The following NCKAP5 variants were observed in gnomAD, a reference collection of about 807,000 sequenced individuals.
The protein encoded by NCKAP5 is nck-associated protein 5.
In NCKAP5, 92 loss-of-function variants were observed where a neutral mutation model predicts 167.0. The ratio of observed to expected loss-of-function variants is 0.55; its 90% CI spans 0.47 to 0.66. NCKAP5 has a LOEUF of 0.66. NCKAP5 is among the 30% of genes least tolerant of loss of function. The pLI is 0.00. For missense variants in NCKAP5, 2,378 were observed against 2,315.0 expected (o/e 1.03, Z -0.56); for synonymous variants, 891 against 877.4 (o/e 1.02, Z -0.27).
At chr2:133,522,132 G>A (rs1684528528) in intron 2 of NCKAP5, among the ~76,000 whole-genome samples, 1 of 152,170 alleles carries the variant, frequency 6.6e-6, no homozygotes, top group Non-Finnish European at 1.5e-5. Context: ...GAAGGCAATG[G>A]GAAAGAAGAA....
intron 4 of NCKAP5, among the ~76,000 whole-genome samples, chr2:133,290,728 C>CTTTTTTTTTTTTTTTTTTTTTT (rs58758295): frequency 3.5e-4 from 31 of 89,350 alleles, no homozygotes; most frequent in Non-Finnish European, 4.2e-4. Flanking sequence ...AGAATTTCTC[C>CTTTTTTTTTTTTTTTTTTTTTT]TTTTTTTTTT....
In NCKAP5 at chr2:133,183,485, A is replaced by G. The variant is rs1051155867; in HGVS notation, c.207+30231T>C. On this transcript the variant is annotated intron_variant, in intron 5 of 19. Transcript: ENST00000409261. ...CAACAGTCTAAAAAAATCAACATCA[A>G]TTGATGTGGGAAAAAGCATTTGACA... Among the ~76,000 whole-genome samples, 7 of 152,270 alleles carry G rather than the reference A, an allele frequency of 4.6e-5. No individual in the cohort carries two copies. The Middle Eastern group carries it at 0.01, about 222-fold the overall frequency.
chr2:133,395,200 C>T (rs1687659721), intron 3 of NCKAP5, among the ~76,000 whole-genome samples: 1 of 152,120 alleles, frequency 6.6e-6, no homozygotes, highest in African/African-American at 2.4e-5. Context: ...AAGCAGCCTC[C>T]CAGCTTCTGT....
chr2:133,147,591 A>G (rs2083245337), intron 5 of NCKAP5, among the ~76,000 whole-genome samples: 2 of 152,128 alleles, frequency 1.3e-5, no homozygotes, highest in South Asian at 2.1e-4. Context: ...TCATGGAGAC[A>G]CTGCTCTAGA....
At chr2:133,072,742 A>T (rs2080459816) in intron 6 of NCKAP5, among the ~76,000 whole-genome samples, 1 of 152,212 alleles carries the variant, frequency 6.6e-6, no homozygotes, top group African/African-American at 2.4e-5. Context: ...GAAACATTCC[A>T]ATCAAAAATT....
chr2:133,406,230 C>T (rs569771974), intron 3 of NCKAP5, among the ~76,000 whole-genome samples: 1 of 152,296 alleles, frequency 6.6e-6, no homozygotes, highest in East Asian at 1.9e-4. Context: ...CTCTTAACTA[C>T]CCGAATAAAG....
At chr2:132,981,287 T>C (rs1458314397) in intron 7 of NCKAP5, among the ~76,000 whole-genome samples, 1 of 152,148 alleles carries the variant, frequency 6.6e-6, no homozygotes, top group African/African-American at 2.4e-5. Context: ...CCTTTGAACC[T>C]GGTTTGACAC....
At chr2:133,549,495 A>G (rs1199114576) in intron 2 of NCKAP5, among the ~76,000 whole-genome samples, 4 of 146,404 alleles carry the variant, frequency 2.7e-5, no homozygotes, top group Non-Finnish European at 6.0e-5. Context: ...CTGAATGACT[A>G]CTGGGTACAT....
intron 8 of NCKAP5, among the ~76,000 whole-genome samples, chr2:132,887,462 T>TAC (rs1692341042): frequency 6.6e-6 from 1 of 152,188 alleles, no homozygotes; most frequent in Non-Finnish European, 1.5e-5. Flanking sequence ...ACTGCAATTA[T>TAC]GTTTGCACCA....
intron 10 of NCKAP5, among the ~76,000 whole-genome samples, chr2:132,861,367 C>A (rs962213623): frequency 6.6e-6 from 1 of 152,010 alleles, no homozygotes; most frequent in African/African-American, 2.4e-5. Flanking sequence ...AAGGAACTTG[C>A]GGTACTTAAA....
chr2:133,360,854 G>C (rs1685053121), intron 3 of NCKAP5, among the ~76,000 whole-genome samples: 1 of 151,250 alleles, frequency 6.6e-6, no homozygotes, highest in Non-Finnish European at 1.5e-5. Flanking sequence ...CTGGTGAGTA[G>C]AAGATCATGG....
intron 19 of NCKAP5, among the ~76,000 whole-genome samples, chr2:132,697,850 G>A (rs72844753): frequency 0.055 from 8,401 of 152,234 alleles, 347 homozygotes; most frequent in Non-Finnish European, 0.078. Flanking sequence ...TAGGGAAAAC[G>A]TTTTTCTTCC....
chr2:133,178,841 A>G (rs929538940), intron 5 of NCKAP5, among the ~76,000 whole-genome samples: 1 of 150,510 alleles, frequency 6.6e-6, no homozygotes, highest in Non-Finnish European at 1.5e-5. Flanking sequence ...AAAAAAAAAA[A>G]AAAAAAAAAA....
At chr2:132,771,078 C>T (rs1430500540) in intron 16 of NCKAP5, among the ~76,000 whole-genome samples, 2 of 136,200 alleles carry the variant, frequency 1.5e-5, no homozygotes, top group East Asian at 2.4e-4. Flanking sequence ...TTAGACTGTA[C>T]CCCTTCCATT....
chr2:133,076,040 T>C (rs1239087931), intron 6 of NCKAP5, among the ~76,000 whole-genome samples: 5 of 152,094 alleles, frequency 3.3e-5, no homozygotes, highest in Non-Finnish European at 5.9e-5. Context: ...CAAAAGAAAG[T>C]TGGGCAATGT....
intron 3 of NCKAP5, among the ~76,000 whole-genome samples, chr2:133,338,294 T>G (rs1683346570): frequency 6.6e-6 from 1 of 152,200 alleles, no homozygotes; most frequent in African/African-American, 2.4e-5. Flanking sequence ...TGTTCAAAGA[T>G]GTAGAGTTCC....
intron 19 of NCKAP5, among the ~76,000 whole-genome samples, chr2:132,699,430 T>A (rs184213366): frequency 4.9e-4 from 74 of 152,252 alleles, no homozygotes; most frequent in Non-Finnish European, 1.3e-4. Context: ...GCTGCACCTG[T>A]TAACTCGTCC....
chr2:132,715,602 A>G (rs1253239748), intron 19 of NCKAP5, among the ~76,000 whole-genome samples: 1 of 152,190 alleles, frequency 6.6e-6, no homozygotes, highest in Non-Finnish European at 1.5e-5. Flanking sequence ...TCTAAGAGAG[A>G]CAGAGCCGAA....
At chr2:132,867,469 G>A (rs1178356997) in intron 10 of NCKAP5, among the ~76,000 whole-genome samples, 1 of 152,166 alleles carries the variant, frequency 6.6e-6, no homozygotes, top group African/African-American at 2.4e-5. Flanking sequence ...CCTCTTTGCC[G>A]GGTTTGTTTG....
Sources: gnomAD v4.1 joint callset for allele counts (sites outside exome capture counted in the v4.1 genomes callset) on GRCh38, gnomAD v4.1.1 for gene constraint, MANE v1.5 for transcripts, NCBI Gene and HGNC (gene_info 2026-07-23, HGNC 2026-07-21) for gene names.